Variants in NSUN6 observed in about 807,000 individuals in gnomAD.
NSUN6 encodes the protein NOP2/Sun RNA methyltransferase 6.
NSUN6 carries 64 observed loss-of-function variants against 58.0 expected under a neutral mutation model. The observed-to-expected ratio is 1.10, with a 90% CI of 0.90 to 1.36. NSUN6 has a LOEUF of 1.36. Among genes scored for constraint, NSUN6 ranks in the 40% most tolerant of loss-of-function variants. The pLI is 0.00. For synonymous variants in NSUN6, 231 were observed against 193.9 expected (o/e 1.19, Z -1.59); for missense variants, 701 against 550.1 (o/e 1.27, Z -2.74).
chr10:18,616,092 A>C, intron 4 of NSUN6, 92 bp downstream of exon 4: 1 of 765,786 alleles, frequency 1.3e-6, no homozygotes, highest in Non-Finnish European at 2.2e-6. Context: ...AAAATTTGGA[A>C]TATATCTTAG....
chr10:18,636,685 A>G (rs1004514387), intron 3 of NSUN6, among the ~76,000 whole-genome samples: 20 of 152,208 alleles, frequency 1.3e-4, no homozygotes, highest in Admixed American at 1.3e-3. Flanking sequence ...CAAGGTCAGG[A>G]GTTCGAGACC....
intron 8 of NSUN6, among the ~76,000 whole-genome samples, chr10:18,563,178 GGA>G (rs2055666785): frequency 1.1e-5 from 1 of 94,458 alleles, no homozygotes; most frequent in Non-Finnish European, 2.1e-5. Context: ...GGAATGGAAT[GGA>G]GAATGGTATG....
At chr10:18,603,905 C>T (rs148098447) in intron 6 of NSUN6, among the ~76,000 whole-genome samples, 1,630 of 152,240 alleles carry the variant, frequency 0.011, 14 homozygotes, top group Middle Eastern at 0.058. Context: ...ATTAGACTGC[C>T]GGGTGTGGTG....
intron 8 of NSUN6, among the ~76,000 whole-genome samples, chr10:18,554,553 A>C (rs2054843060): frequency 6.6e-6 from 1 of 151,354 alleles, no homozygotes. Context: ...GGAATAGAGA[A>C]TTGAATGGAA....
At position 18,574,040 on chromosome 10, in the gene NSUN6, C is replaced by T. The variant is rs371719116; in HGVS notation, c.922+11909G>A. 7.6e-4 allele frequency among the ~76,000 whole-genome samples: 115 copies of T among 152,188 alleles called. 1 individual carries two copies. The highest frequency in any genetic ancestry group is 2.7e-3 in the African/African-American group (114 of 41,538). ...CATAACTGCCCCTGTTTTAGCCTTACTCTCCCCAGAAAAGCCATTCCACCT... is the reference window on the plus strand; with the variant it reads ...CATAACTGCCCCTGTTTTAGCCTTATTCTCCCCAGAAAAGCCATTCCACCT... On this transcript the variant is annotated intron_variant, in intron 8 of 10. Transcript: ENST00000377304.
chr10:18,587,472 A>G (rs2057202864), intron 7 of NSUN6, among the ~76,000 whole-genome samples: 1 of 152,298 alleles, frequency 6.6e-6, no homozygotes, highest in African/African-American at 2.4e-5. Flanking sequence ...GTCAATAAAG[A>G]TAAGAGGTCA....
chr10:18,596,315 C>T lies in NSUN6; in HGVS notation c.670G>A (p.Ala224Thr). The change falls in exon 7 of 11, where the codon GCC becomes ACC. Residue 224 changes from alanine to threonine, a missense_variant. Ala to Thr is a moderately conservative substitution (Grantham distance 58). Coordinates refer to ENST00000377304, the MANE Select transcript of NSUN6 (RefSeq NM_182543.5). ...RYLFLQNLPS[A>T]LVSHVLNPQP... ...GGATTTAGTACATGACTTACTAAGG[C>T]AGATGGCAAATTCTATAAGGAAAAA... is the stretch of plus-strand genomic sequence containing the variant. 1 of 1,580,444 alleles carries T rather than the reference C, an allele frequency of 6.3e-7. No individual in the cohort carries two copies. Among genetic ancestry groups the T allele is most frequent in the Admixed American group, 1.7e-5 (1 of 59,696 alleles).
At chr10:18,599,440 T>C (rs11015065) in intron 6 of NSUN6, among the ~76,000 whole-genome samples, 7,367 of 152,264 alleles carry the variant, frequency 0.048, 277 homozygotes, top group Non-Finnish European at 0.077. Flanking sequence ...AATATTCCTT[T>C]ACACTGGTTA....
chr10:18,653,160 G>A (rs919285377), upstream of NSUN6: 4 of 984,764 alleles, frequency 4.1e-6, no homozygotes, highest in African/African-American at 7.0e-5. Context: ...GGAGAAACAA[G>A]TTGAACTACA....
chr10:18,657,190 G>C (rs1270143567), upstream of NSUN6, among the ~76,000 whole-genome samples: 1 of 152,018 alleles, frequency 6.6e-6, no homozygotes, highest in Admixed American at 6.6e-5. Context: ...TATCTGTTTA[G>C]ATAATACACA....
At chr10:18,602,617 G>A (rs981198913) in intron 6 of NSUN6, among the ~76,000 whole-genome samples, 2 of 152,020 alleles carry the variant, frequency 1.3e-5, no homozygotes, top group African/African-American at 4.8e-5. Flanking sequence ...TGATCCACCT[G>A]CCTTGGCCTC....
intron 8 of NSUN6, among the ~76,000 whole-genome samples, chr10:18,554,158 C>T (rs937347960): frequency 7.8e-5 from 11 of 140,134 alleles, no homozygotes; most frequent in East Asian, 6.6e-4. Context: ...TAAACGAATG[C>T]GGAATGGAAT....
At chr10:18,586,237 T>C in intron 7 of NSUN6, 144 bp from the exon 8 acceptor site, 1 of 642,132 alleles carries the variant, frequency 1.6e-6, no homozygotes, top group South Asian at 2.3e-5. Context: ...CTCTATCCAT[T>C]AACCAAATGT....
chr10:18,645,157 C>CAAA (rs71402191), intron 2 of NSUN6, among the ~76,000 whole-genome samples: 12 of 106,296 alleles, frequency 1.1e-4, no homozygotes, highest in African/African-American at 2.4e-4. Context: ...GACTCCCTCT[C>CAAA]AAAAAAAAAA....
chr10:18,619,360 A>T (rs1025691681), intron 3 of NSUN6, among the ~76,000 whole-genome samples: 1 of 152,192 alleles, frequency 6.6e-6, no homozygotes, highest in Non-Finnish European at 1.5e-5. Context: ...TCTCCAACCT[A>T]TATCCTAAGG....
upstream of NSUN6, chr10:18,653,137 T>G (rs986291307): frequency 2.0e-6 from 2 of 985,150 alleles, no homozygotes; most frequent in Non-Finnish European, 2.4e-6. Context: ...ATCTGTATTT[T>G]AGCGATAAAG....
rs765811118 is a variant in NSUN6 at position 18,548,198 on chromosome 10, T to G, written c.1111A>C (p.Ser371Arg). ...TCGGCCAGTGTTATAGTGCACGTGC[T>G]ATAAACCAGCACACCCTCTGGCTTC... ...LLKPEGVLVYSTCTITLAENE... is the reference protein window; with the variant it reads ...LLKPEGVLVYRTCTITLAENE... The change falls in exon 10 of 11, where the codon AGC becomes CGC. Residue 371 changes from serine (S) to arginine (R), a missense_variant. Ser to Arg is a moderately radical substitution (Grantham distance 110). Transcript: ENST00000377304. The G allele has an allele frequency of 1.9e-6, 3 of 1,613,336 alleles. No homozygotes were observed. Among genetic ancestry groups the G allele is most frequent in the Non-Finnish European group, 2.5e-6 (3 of 1,179,462 alleles).
intron 8 of NSUN6, among the ~76,000 whole-genome samples, chr10:18,585,106 C>T (rs187199758): frequency 1.4e-4 from 21 of 151,534 alleles, no homozygotes; most frequent in African/African-American, 4.4e-4. Context: ...ATCAAAACAA[C>T]GAGATGTCAC....
At chr10:18,579,728 T>C (rs539559837) in intron 8 of NSUN6, among the ~76,000 whole-genome samples, 1 of 152,264 alleles carries the variant, frequency 6.6e-6, no homozygotes, top group East Asian at 1.9e-4. Context: ...AAGGTGGAAG[T>C]GGGGCTTCCA....
Sources: gnomAD v4.1 joint callset for allele counts (sites outside exome capture counted in the v4.1 genomes callset) on GRCh38, gnomAD v4.1.1 for gene constraint, MANE v1.5 for transcripts, NCBI Gene and HGNC (gene_info 2026-07-23, HGNC 2026-07-21) for gene names.